Variants in IDI1 observed in about 807,000 individuals in gnomAD.
IDI1 encodes the protein isopentenyl-diphosphate Delta-isomerase 1.
A neutral mutation model predicts 32.9 loss-of-function variants in IDI1; 23 were observed. The ratio of observed to expected loss-of-function variants is 0.70; its 90% CI spans 0.50 to 0.99. The LOEUF (loss-of-function observed/expected upper bound fraction) is 0.99, where lower values mean the gene tolerates loss of function less well. Ranked by LOEUF, IDI1 falls within the 50% of genes least tolerant of loss-of-function variation. The pLI, the probability that IDI1 is intolerant of heterozygous loss-of-function variation, is 0.00. For synonymous variants in IDI1, 133 were observed against 128.2 expected (o/e 1.04, Z -0.25); for missense variants, 326 against 351.9 (o/e 0.93, Z 0.59).
chr10:1,042,196 C>A (rs966833133), intron 4 of IDI1, among the ~76,000 whole-genome samples: 3 of 151,948 alleles, frequency 2.0e-5, no homozygotes, highest in African/African-American at 7.3e-5. Flanking sequence ...TTAAGGGGGA[C>A]AATTCCAAGA....
rs2448554 is a variant in IDI1, at chr10:1,041,553, A to G, written c.538-49T>C. Reference sequence around the variant, plus strand: ...TAATTAAAACATCGGCCACCGTAACAAAAAAAATCTAAAATTAGCTCACTG... The same window carrying G: ...TAATTAAAACATCGGCCACCGTAACGAAAAAAATCTAAAATTAGCTCACTG... On this transcript the variant is annotated intron_variant, in intron 4 of 4. Coordinates refer to ENST00000381344, the MANE Select transcript of IDI1 (RefSeq NM_004508.4). The G allele has an allele frequency of 3.8e-6, 4 of 1,060,918 alleles. No homozygotes were observed. The African/African-American group carries it at 4.8e-5, about 13-fold the overall frequency. 65.7% of individuals were successfully genotyped at this position (1,060,918 alleles called of 1,614,324 possible).
intron 1 of IDI1, 180 bp downstream of exon 1, chr10:1,048,684 C>A (rs1832879196): frequency 7.1e-7 from 1 of 1,414,748 alleles, no homozygotes; most frequent in African/African-American, 1.5e-5. Flanking sequence ...CCACCACAGC[C>A]CGGGAAGGCC....
chr10:1,039,188 C>T (rs967923348), downstream of IDI1: 2 of 146,920 alleles, frequency 1.4e-5, no homozygotes, highest in Non-Finnish European at 3.0e-5. Context: ...CGGGTACGAC[C>T]TGGACGTGTC....
At position 1,040,850 on chromosome 10, in the gene IDI1, TA is replaced by T. The variant is rs1169083475; in HGVS notation, c.*336del. 5.5e-4 allele frequency: 39 copies of T among 70,608 alleles called. No homozygotes were observed. The South Asian group carries it at 9.7e-3, about 17-fold the overall frequency. 4.4% of individuals were successfully genotyped at this position (70,608 alleles called of 1,614,324 possible). A position where few individuals can be genotyped will look rare whatever the true frequency, so the allele number is the denominator to read the frequency against. On this transcript the variant is annotated 3_prime_UTR_variant, in exon 5 of 5. Transcript: ENST00000381344. ...TGCTCCGGAAATGTTTATCACAGCC[TA>T]CTAAAAACAGAGTTTCACTCATTTG...
Position 1,048,860 on chromosome 10 carries a change from G to T in IDI1, c.140+4C>A, listed in dbSNP as rs1223661661. On this transcript the variant is annotated splice_donor_region_variant and intron_variant, in intron 1 of 4. Coordinates refer to ENST00000381344, the MANE Select transcript of IDI1 (RefSeq NM_004508.4). ...TCCCGAACTCCGCCGCCCGTCCACA[G>T]TACCTGATCAGCCTCCGGCCACAGA... 1 of 1,606,174 alleles carries T rather than the reference G, an allele frequency of 6.2e-7. No individual in the cohort carries two copies. Among genetic ancestry groups the T allele is most frequent in the African/African-American group, 1.3e-5 (1 of 74,122 alleles).
chr10:1,048,838 C>G, intron 1 of IDI1, 26 bp downstream of exon 1: 1 of 1,601,264 alleles, frequency 6.2e-7, no homozygotes, highest in South Asian at 1.1e-5. Flanking sequence ...CCCTGTCTCC[C>G]GAACTCCGCC....
intron 4 of IDI1, among the ~76,000 whole-genome samples, chr10:1,042,298 A>G (rs1309186015): frequency 6.6e-6 from 1 of 152,020 alleles, no homozygotes; most frequent in Non-Finnish European, 1.5e-5. Flanking sequence ...GTAGGTGGGG[A>G]GTTTTAGGTG....
chr10:1,045,283 CT>C (rs1425600696), intron 1 of IDI1, among the ~76,000 whole-genome samples: 1 of 152,238 alleles, frequency 6.6e-6, no homozygotes, highest in Non-Finnish European at 1.5e-5. Flanking sequence ...GCTTTCTAAT[CT>C]TTGTATCCTT....
At chr10:1,049,463 T>TG, upstream of IDI1, 1 of 74,588 alleles carries the variant, frequency 1.3e-5, no homozygotes, top group Non-Finnish European at 2.9e-5. Flanking sequence ...GGTTGGGCAC[T>TG]CCCCCCCCTC....
chr10:1,048,142 T>G, intron 1 of IDI1: 1 of 903,048 alleles, frequency 1.1e-6, no homozygotes, highest in Non-Finnish European at 1.6e-6. Context: ...ATTAAAGGCG[T>G]GCACCACCGC....
At chr10:1,044,759 T>A (rs1832749047) in intron 1 of IDI1, among the ~76,000 whole-genome samples, 1 of 152,226 alleles carries the variant, frequency 6.6e-6, no homozygotes, top group Non-Finnish European at 1.5e-5. Flanking sequence ...AAATTATTTG[T>A]ATGAGTTTTG....
At chr10:1,048,311 A>C (rs1394016290) in intron 1 of IDI1, 1 of 1,304,346 alleles carries the variant, frequency 7.7e-7, no homozygotes, top group East Asian at 5.5e-5. Context: ...AAAAAGGTCT[A>C]GTTCCATCTA....
In IDI1 at chr10:1,040,197, T is replaced by A. The variant is rs1170305991; in HGVS notation, c.*990A>T. ...TACACATTCCATAATCTCATCTATT[T>A]AACATTAACACAGGCCTTTGTTGTT... On this transcript the variant is annotated 3_prime_UTR_variant, in exon 5 of 5. Transcript: ENST00000381344. The A allele has an allele frequency of 1.3e-5, 2 of 152,244 alleles. No homozygotes were observed. The highest frequency in any genetic ancestry group is 4.8e-5 in the African/African-American group (2 of 41,450). The allele number at this position is 152,244 out of a possible 1,614,324, so 9.4% of individuals were successfully genotyped here. A position where few individuals can be genotyped will look rare whatever the true frequency, so the allele number is the denominator to read the frequency against.
upstream of IDI1, among the ~76,000 whole-genome samples, chr10:1,053,626 C>T (rs1344638950): frequency 6.6e-6 from 1 of 152,218 alleles, no homozygotes; most frequent in African/African-American, 2.4e-5. Context: ...ACATGCCTTC[C>T]TCACCATGCT....
chr10:1,043,877 G>A (rs1564485722), intron 2 of IDI1, 122 bp downstream of exon 2: 1 of 820,952 alleles, frequency 1.2e-6, no homozygotes, highest in Admixed American at 2.2e-5. Flanking sequence ...TTAACGAACT[G>A]GAACCAACGA....
At position 1,041,179 on chromosome 10, in the gene IDI1, C is replaced by T; in HGVS notation, c.*8G>A. On this transcript the variant is annotated 3_prime_UTR_variant, in exon 5 of 5. Coordinates refer to ENST00000381344, the MANE Select transcript of IDI1 (RefSeq NM_004508.4). ...GATAAATTTTTCTGTAATCATTTAC[C>T]TACATATTCACATTCTGTATATTTT... 3.3e-6 allele frequency: 5 copies of T among 1,500,456 alleles called. No homozygotes were observed. The highest frequency in any genetic ancestry group is 1.2e-5 in the South Asian group (1 of 82,824). The allele number at this position is 1,500,456 out of a possible 1,614,324, so 92.9% of individuals were successfully genotyped here.
intron 3 of IDI1, 83 bp downstream of exon 3, chr10:1,043,218 G>A (rs749193813): frequency 1.0e-4 from 86 of 848,010 alleles, no homozygotes; most frequent in Non-Finnish European, 1.5e-4. Context: ...ATTTCCCTTT[G>A]TGACCTTGGC....
At chr10:1,049,247 A>C, upstream of IDI1, 1 of 591,272 alleles carries the variant, frequency 1.7e-6, no homozygotes, top group Non-Finnish European at 2.7e-6. Flanking sequence ...CACGCTTTCG[A>C]TCCTGCCGTG....
Position 1,039,843 on chromosome 10 carries a change from G to A in IDI1, c.*1344C>T, listed in dbSNP as rs946153115. 1.8e-4 allele frequency: 27 copies of A among 152,254 alleles called. No individual in the cohort carries two copies. Among genetic ancestry groups the A allele is most frequent in the African/African-American group, 6.3e-4 (26 of 41,554 alleles). The allele number at this position is 152,254 out of a possible 1,614,324, so 9.4% of individuals were successfully genotyped here. ...AAAAATTAGAAACAATATTATAAAT[G>A]CAACGGAAACTATACAGGCAATATC... On this transcript the variant is annotated 3_prime_UTR_variant, in exon 5 of 5. Transcript: ENST00000381344.
Sources: allele counts gnomAD v4.1 joint callset (sites outside exome capture counted in the v4.1 genomes callset), GRCh38; gene constraint gnomAD v4.1.1; transcripts MANE v1.5; gene names NCBI Gene and HGNC (gene_info 2026-07-23, HGNC 2026-07-21).